GPC5: variants seen among roughly 807,000 people sequenced by gnomAD.
The protein encoded by GPC5 is glypican-5.
In GPC5, 47 loss-of-function variants were observed where a neutral mutation model predicts 53.9. The observed-to-expected ratio is 0.87, with a 90% CI of 0.69 to 1.11. The LOEUF (loss-of-function observed/expected upper bound fraction) is 1.11. Among genes scored for constraint, GPC5 ranks in the 50% most tolerant of loss-of-function variants. GPC5 has a pLI of 0.00. For synonymous variants in GPC5, 286 were observed against 263.3 expected, an observed-to-expected ratio of 1.09 and a Z score of -0.84; for missense variants, 748 against 713.1, an observed-to-expected ratio of 1.05 and a Z score of -0.56.
intron 6 of GPC5, among the ~76,000 whole-genome samples, chr13:92,135,541 TA>T (rs1440230087): frequency 6.6e-6 from 1 of 152,026 alleles, no homozygotes; most frequent in African/African-American, 2.4e-5. Context: ...GAACCGGAGG[TA>T]AGGATCAGGA....
At chr13:92,720,951 G>A (rs1888492339) in intron 7 of GPC5, among the ~76,000 whole-genome samples, 1 of 151,990 alleles carries the variant, frequency 6.6e-6, no homozygotes, top group Non-Finnish European at 1.5e-5. Context: ...CCTGATTTGT[G>A]GCAATTTCCT....
intron 7 of GPC5, among the ~76,000 whole-genome samples, chr13:92,779,449 GA>G (rs943148987): frequency 8.1e-5 from 12 of 147,476 alleles, no homozygotes; most frequent in Admixed American, 2.7e-4. Flanking sequence ...TACTACCTGC[GA>G]AAAAAAAAAT....
intron 2 of GPC5, chr13:91,486,732 G>T (rs1883627527): frequency 6.6e-6 from 1 of 152,166 alleles, no homozygotes; most frequent in African/African-American, 2.4e-5. Flanking sequence ...AAGCAGGAAG[G>T]ATGAGGATGT....
rs1491517527 is a variant in GPC5, at chr13:91,571,802, TAC to T, written c.326-121377_326-121376del. On this transcript the variant is annotated intron_variant, in intron 2 of 7. Transcript: ENST00000377067. The stretch of plus-strand genomic sequence containing the variant: ...ACACACATATACGTGTGTGTATATA[TAC>T]ACACACATACGTGTGTGTATATATA... Among the ~76,000 whole-genome samples, 246 of 103,224 alleles carry T rather than the reference TAC, an allele frequency of 2.4e-3. 8 individuals carry two copies. The highest frequency in any genetic ancestry group is 6.8e-3 in the South Asian group (23 of 3,392). 67.7% of individuals were successfully genotyped at this position (103,224 alleles called of 152,430 possible).
chr13:91,689,206 TATATATATATATATATATATATATAC>T (rs1251942456), intron 2 of GPC5, among the ~76,000 whole-genome samples: 29 of 117,138 alleles, frequency 2.5e-4, no homozygotes, highest in African/African-American at 7.6e-4. Context: ...TATATATATA[TATATATATATATATATATATATATAC>T]ACATATAAAA....
intron 7 of GPC5, among the ~76,000 whole-genome samples, chr13:92,833,055 A>C (rs1320115152): frequency 3.3e-5 from 5 of 152,130 alleles, no homozygotes; most frequent in African/African-American, 1.2e-4. Flanking sequence ...GCACAGTGAG[A>C]TACATCTAAC....
At chr13:92,372,975 A>T (rs1246272012) in intron 7 of GPC5, among the ~76,000 whole-genome samples, 2 of 152,226 alleles carry the variant, frequency 1.3e-5, no homozygotes, top group Non-Finnish European at 2.9e-5. Context: ...GATATAAATT[A>T]TATCACTTTG....
At chr13:91,984,081 C>T (rs1197009768) in intron 6 of GPC5, among the ~76,000 whole-genome samples, 1 of 152,084 alleles carries the variant, frequency 6.6e-6, no homozygotes, top group Non-Finnish European at 1.5e-5. Flanking sequence ...ACATATTTGT[C>T]AAAGTAATTT....
intron 7 of GPC5, among the ~76,000 whole-genome samples, chr13:92,422,490 A>T (rs111636534): frequency 2.6e-5 from 1 of 38,248 alleles, no homozygotes; most frequent in Non-Finnish European, 6.2e-5. Flanking sequence ...TCACCATCTC[A>T]CACACACACA....
At chr13:92,415,884 A>T (rs905119586) in intron 7 of GPC5, among the ~76,000 whole-genome samples, 1 of 152,170 alleles carries the variant, frequency 6.6e-6, no homozygotes, top group Non-Finnish European at 1.5e-5. Flanking sequence ...TAGTGACATG[A>T]GGGTTTTTGG....
chr13:92,413,656 C>G (rs1195096034), intron 7 of GPC5, among the ~76,000 whole-genome samples: 2 of 152,070 alleles, frequency 1.3e-5, no homozygotes, highest in Non-Finnish European at 2.9e-5. Context: ...TTGATTTTAT[C>G]AAGAACTGCA....
At chr13:91,930,046 G>A (rs147155315) in intron 6 of GPC5, among the ~76,000 whole-genome samples, 27 of 152,056 alleles carry the variant, frequency 1.8e-4, no homozygotes, top group African/African-American at 6.5e-4. Context: ...CTTTATAATT[G>A]GGTGCATAAT....
intron 7 of GPC5, among the ~76,000 whole-genome samples, chr13:92,327,973 CTT>C (rs2043263486): frequency 6.6e-6 from 1 of 152,148 alleles, no homozygotes; most frequent in Admixed American, 6.6e-5. Flanking sequence ...TTCTTTGAAA[CTT>C]TTCCCAGCCA....
chr13:92,186,432 A>G (rs1453569454), intron 7 of GPC5, among the ~76,000 whole-genome samples: 2 of 151,912 alleles, frequency 1.3e-5, no homozygotes, highest in Admixed American at 1.3e-4. Context: ...GTTTTTTCTA[A>G]TATATATAAT....
At position 91,759,493 on chromosome 13, in the gene GPC5, T is replaced by C. The variant is rs570355798; in HGVS notation, c.1280+3073T>C. Among the ~76,000 whole-genome samples the C allele has an allele frequency of 2.0e-5, 3 of 152,242 alleles. No individual in the cohort carries two copies. The South Asian group carries it at 6.2e-4, about 32-fold the overall frequency. On this transcript the variant is annotated intron_variant, in intron 5 of 7. Coordinates refer to ENST00000377067, the MANE Select transcript of GPC5 (RefSeq NM_004466.6). ...ACTCATTCTGTCTAACTATATTTTA[T>C]ACCTATTAATTATCCCCATTACCCT...
intron 2 of GPC5, among the ~76,000 whole-genome samples, chr13:91,474,088 G>A (rs1426711025): frequency 1.3e-5 from 2 of 152,118 alleles, no homozygotes; most frequent in Non-Finnish European, 2.9e-5. Context: ...TGCTTATGTA[G>A]TATTGCTTTG....
chr13:91,759,706 AT>A (rs151291924), intron 5 of GPC5, among the ~76,000 whole-genome samples: 6 of 150,398 alleles, frequency 4.0e-5, no homozygotes, highest in Non-Finnish European at 7.4e-5. Flanking sequence ...TTAGAATGAG[AT>A]TTTTTTTTTC....
chr13:92,006,541 T>C (rs1221328852), intron 6 of GPC5, among the ~76,000 whole-genome samples: 1 of 152,202 alleles, frequency 6.6e-6, no homozygotes. Flanking sequence ...ACCTTTGTCT[T>C]ATACTAGGCT....
chr13:91,710,675 C>T (rs947844937), intron 3 of GPC5, among the ~76,000 whole-genome samples: 1 of 152,118 alleles, frequency 6.6e-6, no homozygotes, highest in Admixed American at 6.5e-5. Flanking sequence ...CTAAGGCAGC[C>T]CAAGCTGCCC....
Sources: allele counts gnomAD v4.1 joint callset (sites outside exome capture counted in the v4.1 genomes callset), GRCh38; gene constraint gnomAD v4.1.1; transcripts MANE v1.5; gene names NCBI Gene and HGNC (gene_info 2026-07-23, HGNC 2026-07-21).